UNC5C: variants seen among roughly 807,000 people sequenced by gnomAD.
UNC5C encodes the protein netrin receptor UNC5C.
UNC5C carries 47 observed loss-of-function variants against 99.8 expected under a neutral mutation model. That is an observed-to-expected ratio of 0.47 (90% CI 0.37 to 0.60). The LOEUF is 0.60. Ranked by LOEUF, UNC5C falls within the 20% of genes least tolerant of loss-of-function variation. The probability of loss-of-function intolerance (pLI) is 0.00; values close to 1 mark genes in which losing one functional copy is unlikely to be tolerated. For synonymous variants in UNC5C, 487 were observed against 452.2 expected (o/e 1.08, Z -0.98); for missense variants, 1,062 against 1,165.9 (o/e 0.91, Z 1.30).
At chr4:95,540,618 A>C (rs1400369034) in intron 1 of UNC5C, among the ~76,000 whole-genome samples, 1 of 152,214 alleles carries the variant, frequency 6.6e-6, no homozygotes, top group East Asian at 1.9e-4. Flanking sequence ...TGACTTCAAG[A>C]TTGCTGCTTG....
intron 1 of UNC5C, among the ~76,000 whole-genome samples, chr4:95,368,862 T>A (rs963742130): frequency 6.6e-6 from 1 of 152,166 alleles, no homozygotes; most frequent in Non-Finnish European, 1.5e-5. Flanking sequence ...TTTTACATTT[T>A]TTTCCTTGTA....
At chr4:95,535,538 T>C (rs959960877) in intron 1 of UNC5C, among the ~76,000 whole-genome samples, 6 of 152,214 alleles carry the variant, frequency 3.9e-5, no homozygotes, top group African/African-American at 1.4e-4. Flanking sequence ...CGCTGTTAAT[T>C]ACAATTCTAT....
intron 1 of UNC5C, among the ~76,000 whole-genome samples, chr4:95,493,299 G>C (rs1721549654): frequency 6.6e-6 from 1 of 151,310 alleles, no homozygotes; most frequent in African/African-American, 2.4e-5. Context: ...ATATAGCTTT[G>C]AATTAGGAAG....
intron 1 of UNC5C, among the ~76,000 whole-genome samples, chr4:95,477,870 G>A (rs2149476640): frequency 6.6e-6 from 1 of 152,078 alleles, no homozygotes; most frequent in Non-Finnish European, 1.5e-5. Flanking sequence ...GCTCACTTGG[G>A]TTGGAATTTC....
intron 2 of UNC5C, among the ~76,000 whole-genome samples, chr4:95,324,976 C>T (rs186243668): frequency 8.5e-5 from 13 of 152,330 alleles, no homozygotes; most frequent in Admixed American, 3.9e-4. Flanking sequence ...ATAATTACTA[C>T]AGTGTTTCCT....
chr4:95,375,654 T>C (rs545914638), intron 1 of UNC5C, among the ~76,000 whole-genome samples: 5 of 152,202 alleles, frequency 3.3e-5, no homozygotes, highest in Non-Finnish European at 4.4e-5. Flanking sequence ...AGTACCTATC[T>C]TAAGGCGAAA....
chr4:95,532,488 T>G (rs960052243), intron 1 of UNC5C, among the ~76,000 whole-genome samples: 8 of 149,984 alleles, frequency 5.3e-5, no homozygotes, highest in Non-Finnish European at 1.2e-4. Flanking sequence ...TCTGGCTGTG[T>G]GCCAAAAGCT....
At chr4:95,194,482 C>T (rs911117203) in intron 12 of UNC5C, among the ~76,000 whole-genome samples, 1 of 152,142 alleles carries the variant, frequency 6.6e-6, no homozygotes, top group Admixed American at 6.5e-5. Context: ...AGTGGGGCTG[C>T]CCTCCTCTCC....
chr4:95,187,708 G>A lies in UNC5C; in HGVS notation c.2137-2512C>T, dbSNP rs767825. On this transcript the variant is annotated intron_variant, in intron 12 of 15. Transcript: ENST00000453304. ...TGGGGAAAAAGCCTAGACTGGCTTGGAGGAGCCCTTTTTTGGATAGAAAGT... is the reference window on the plus strand; with the variant it reads ...TGGGGAAAAAGCCTAGACTGGCTTGAAGGAGCCCTTTTTTGGATAGAAAGT... 7.0e-3 allele frequency among the ~76,000 whole-genome samples: 1,072 copies of A among 152,276 alleles called. 7 individuals are homozygous for A. The highest frequency in any genetic ancestry group is 0.02 in the Middle Eastern group (6 of 294).
intron 4 of UNC5C, among the ~76,000 whole-genome samples, chr4:95,268,236 G>A (rs1159754656): frequency 3.3e-5 from 5 of 152,274 alleles, no homozygotes; most frequent in East Asian, 3.9e-4. Context: ...ACCGCGCCCG[G>A]CCTGTGATTT....
At chr4:95,348,530 C>T (rs1023012921) in intron 1 of UNC5C, among the ~76,000 whole-genome samples, 4 of 150,552 alleles carry the variant, frequency 2.7e-5, no homozygotes, top group Middle Eastern at 3.4e-3. Flanking sequence ...CACAGATGAA[C>T]GGATAAAGAA....
intron 1 of UNC5C, among the ~76,000 whole-genome samples, chr4:95,450,254 T>C (rs887291674): frequency 8.5e-5 from 13 of 152,198 alleles, no homozygotes; most frequent in Non-Finnish European, 1.3e-4. Flanking sequence ...CTCTGTCACC[T>C]AGGCTAGAGT....
At chr4:95,429,184 C>T (rs1279678156) in intron 1 of UNC5C, among the ~76,000 whole-genome samples, 2 of 151,096 alleles carry the variant, frequency 1.3e-5, no homozygotes, top group East Asian at 1.9e-4. Context: ...GTTTAGATGA[C>T]ATGTCTGAAA....
intron 1 of UNC5C, among the ~76,000 whole-genome samples, chr4:95,381,335 C>T (rs41424348): frequency 0.014 from 2,184 of 152,192 alleles, 57 homozygotes; most frequent in African/African-American, 0.049. Flanking sequence ...TACGGAATGG[C>T]CTGAAGTTCA....
At chr4:95,503,409 T>G (rs1225406000) in intron 1 of UNC5C, among the ~76,000 whole-genome samples, 1 of 152,140 alleles carries the variant, frequency 6.6e-6, no homozygotes, top group African/African-American at 2.4e-5. Context: ...ACTAAGACAA[T>G]ATGTCACCCA....
At chr4:95,472,176 A>T (rs987258846) in intron 1 of UNC5C, among the ~76,000 whole-genome samples, 1 of 152,180 alleles carries the variant, frequency 6.6e-6, no homozygotes, top group African/African-American at 2.4e-5. Flanking sequence ...GCTTTGCTGT[A>T]TTAATCTGTA....
intron 1 of UNC5C, among the ~76,000 whole-genome samples, chr4:95,530,197 T>C (rs1004389576): frequency 6.6e-5 from 10 of 152,192 alleles, no homozygotes; most frequent in Non-Finnish European, 1.0e-4. Context: ...CATATAACTA[T>C]TGTGGGAGCT....
intron 1 of UNC5C, among the ~76,000 whole-genome samples, chr4:95,525,094 C>G (rs1240480229): frequency 1.3e-5 from 2 of 152,136 alleles, no homozygotes; most frequent in Non-Finnish European, 2.9e-5. Context: ...ACACTGCACA[C>G]AGAGTTGATG....
chr4:95,204,277 A>G (rs926393212), intron 11 of UNC5C, among the ~76,000 whole-genome samples: 1 of 152,360 alleles, frequency 6.6e-6, no homozygotes, highest in South Asian at 2.1e-4. Flanking sequence ...TGATTCATCT[A>G]TATGGTTCAG....
Sources: gnomAD v4.1 joint callset for allele counts (sites outside exome capture counted in the v4.1 genomes callset) on GRCh38, gnomAD v4.1.1 for gene constraint, MANE v1.5 for transcripts, NCBI Gene and HGNC (gene_info 2026-07-23, HGNC 2026-07-21) for gene names.